CMSS1: variants seen among roughly 807,000 people sequenced by gnomAD.
The protein encoded by CMSS1 is protein CMSS1.
In CMSS1, 33 loss-of-function variants were observed where a neutral mutation model predicts 43.5. That is an observed-to-expected ratio of 0.76 (90% confidence interval 0.57 to 1.01). The LOEUF (loss-of-function observed/expected upper bound fraction) is 1.01, where lower values mean the gene tolerates loss of function less well. Among genes scored for constraint, CMSS1 ranks in the 50% least tolerant of loss-of-function variants. CMSS1 has a pLI of 0.00. For missense variants in CMSS1, 313 were observed against 326.4 expected, an observed-to-expected ratio of 0.96 and a Z score of 0.32; for synonymous variants, 115 against 117.2, an observed-to-expected ratio of 0.98 and a Z score of 0.12.
rs776317854 is a variant in CMSS1, at chr3:99,849,808, T to C, written c.64+31765T>C. The C allele has an allele frequency of 1.3e-5, 21 of 1,612,898 alleles. No individual in the cohort carries two copies. The highest frequency in any genetic ancestry group is 3.3e-5 in the South Asian group (3 of 90,884). On this transcript the variant is annotated intron_variant, in intron 1 of 9. Transcript: ENST00000421999. ...TTCTTGAGAGAGCTCCTTAATCTTA[T>C]TGTTTTCTTGGTGTAATGCTGTTGT...
chr3:100,106,415 T>C (rs2066396280), intron 1 of CMSS1, among the ~76,000 whole-genome samples: 1 of 152,128 alleles, frequency 6.6e-6, no homozygotes, highest in African/African-American at 2.4e-5. Context: ...CTCAGGATTA[T>C]GCAAGATATG....
At chr3:100,013,855 A>C (rs899202848) in intron 1 of CMSS1, among the ~76,000 whole-genome samples, 1 of 152,160 alleles carries the variant, frequency 6.6e-6, no homozygotes, top group African/African-American at 2.4e-5. Context: ...GCAATTTTCA[A>C]GTGTACAATA....
At chr3:100,040,631 G>A (rs2065189752) in intron 1 of CMSS1, 1 of 152,200 alleles carries the variant, frequency 6.6e-6, no homozygotes, top group Admixed American at 6.5e-5. Context: ...CTTTAGGACG[G>A]TCTTGGTTGA....
chr3:99,963,790 G>A (rs1708564318), intron 1 of CMSS1, among the ~76,000 whole-genome samples: 1 of 151,990 alleles, frequency 6.6e-6, no homozygotes, highest in African/African-American at 2.4e-5. Context: ...GCTAATTTTT[G>A]TATTTTTAGC....
chr3:99,931,160 C>T (rs1576581495), intron 1 of CMSS1: 1 of 715,130 alleles, frequency 1.4e-6, no homozygotes, highest in East Asian at 2.6e-5. Context: ...TTTTTGATGT[C>T]TACAGCAGAG....
At chr3:99,823,954 G>A (rs1268364206) in intron 1 of CMSS1, among the ~76,000 whole-genome samples, 5 of 143,844 alleles carry the variant, frequency 3.5e-5, no homozygotes, top group East Asian at 2.0e-4. Context: ...CTGGAGTCTC[G>A]CCCTGTCACC....
chr3:99,971,148 T>G (rs371740660), intron 1 of CMSS1, among the ~76,000 whole-genome samples: 3 of 152,030 alleles, frequency 2.0e-5, no homozygotes, highest in Non-Finnish European at 4.4e-5. Flanking sequence ...CCATCCTGGC[T>G]AACATGGTGA....
At chr3:99,985,172 A>G (rs1467995580) in intron 1 of CMSS1, among the ~76,000 whole-genome samples, 1 of 152,068 alleles carries the variant, frequency 6.6e-6, no homozygotes, top group Non-Finnish European at 1.5e-5. Context: ...AAATCATCCT[A>G]GGGGGTCAAA....
rs748174973 is a variant in CMSS1, at chr3:99,850,671, A to G, written c.64+32628A>G. 5.6e-6 allele frequency: 9 copies of G among 1,614,044 alleles called. No individual in the cohort carries two copies. In the Admixed American group the frequency reaches 1.3e-4, roughly 24 times the overall value. On this transcript the variant is annotated intron_variant, in intron 1 of 9. Coordinates refer to ENST00000421999, the MANE Select transcript of CMSS1 (RefSeq NM_032359.4). ...AAGACCTGTTTGTCTCTTCTAACTC[A>G]TCAATCTGCCGGCTGAGTGCTGCCA... is the stretch of plus-strand genomic sequence containing the variant.
At chr3:99,991,698 T>C (rs1252407641) in intron 1 of CMSS1, among the ~76,000 whole-genome samples, 2 of 151,968 alleles carry the variant, frequency 1.3e-5, no homozygotes, top group African/African-American at 4.8e-5. Flanking sequence ...GGTGAGAACA[T>C]GCTGTATTTG....
chr3:99,821,387 G>T (rs1370271518), intron 1 of CMSS1, among the ~76,000 whole-genome samples: 3 of 152,154 alleles, frequency 2.0e-5, no homozygotes, highest in Non-Finnish European at 2.9e-5. Flanking sequence ...GGTCCTTAAG[G>T]GATGTCTAGT....
At chr3:100,032,962 C>CA in intron 1 of CMSS1, among the ~76,000 whole-genome samples, 1 of 152,058 alleles carries the variant, frequency 6.6e-6, no homozygotes, top group African/African-American at 2.4e-5. Context: ...TTCAGTCACA[C>CA]AAACACCAAG....
chr3:99,840,977 C>G (rs1249253533), intron 1 of CMSS1, among the ~76,000 whole-genome samples: 1 of 152,186 alleles, frequency 6.6e-6, no homozygotes, highest in Admixed American at 6.5e-5. Context: ...GTCTGATACT[C>G]TTGTTTCATT....
intron 1 of CMSS1, among the ~76,000 whole-genome samples, chr3:99,832,860 TG>T (rs67505418): frequency 0.012 from 1,720 of 139,226 alleles, 92 homozygotes; most frequent in African/African-American, 0.036. Flanking sequence ...AAAAAAAAGT[TG>T]TTTTTTTTTT....
intron 1 of CMSS1, among the ~76,000 whole-genome samples, chr3:100,134,586 A>G (rs1230904874): frequency 6.6e-6 from 1 of 152,200 alleles, no homozygotes; most frequent in Non-Finnish European, 1.5e-5. Flanking sequence ...CAGATGGGAT[A>G]TAGGGAAAAC....
At chr3:100,148,115 G>A (rs907668910) in intron 2 of CMSS1, among the ~76,000 whole-genome samples, 1 of 152,118 alleles carries the variant, frequency 6.6e-6, no homozygotes, top group Non-Finnish European at 1.5e-5. Context: ...GTCTTGCTCT[G>A]TTGCCCAGGC....
chr3:100,014,682 T>C (rs1291477224), intron 1 of CMSS1, among the ~76,000 whole-genome samples: 1 of 152,010 alleles, frequency 6.6e-6, no homozygotes, highest in Non-Finnish European at 1.5e-5. Context: ...TTGGGTTGTT[T>C]ATTTTCTTGC....
intron 1 of CMSS1, among the ~76,000 whole-genome samples, chr3:100,134,016 CAG>C (rs2066730821): frequency 6.6e-6 from 1 of 152,140 alleles, no homozygotes; most frequent in Non-Finnish European, 1.5e-5. Flanking sequence ...GTACTCTTAA[CAG>C]AAGTACTGTG....
chr3:100,146,022 T>TC (rs1047366758), intron 1 of CMSS1, among the ~76,000 whole-genome samples: 5 of 152,352 alleles, frequency 3.3e-5, no homozygotes, highest in African/African-American at 4.8e-5. Flanking sequence ...AAATATGAAC[T>TC]CTGACAGAAC....
Sources: gnomAD v4.1 joint callset for allele counts (sites outside exome capture counted in the v4.1 genomes callset) on GRCh38, gnomAD v4.1.1 for gene constraint, MANE v1.5 for transcripts, NCBI Gene and HGNC (gene_info 2026-07-23, HGNC 2026-07-21) for gene names.